KRR1: variants seen among roughly 807,000 people sequenced by gnomAD.
KRR1 encodes the protein KRR1 small subunit processome component homolog.
Under a neutral mutation model 50.0 loss-of-function variants are expected in KRR1, and 23 were observed. That is an observed-to-expected ratio of 0.46 (90% CI 0.33 to 0.65). The LOEUF is 0.65. Ranked by LOEUF, KRR1 falls within the 30% of genes least tolerant of loss-of-function variation. The probability of loss-of-function intolerance (pLI) is 0.02; values close to 1 mark genes in which losing one functional copy is unlikely to be tolerated. For missense variants in KRR1, 419 were observed against 442.4 expected (o/e 0.95, Z 0.47); for synonymous variants, 133 against 146.3 (o/e 0.91, Z 0.66).
Position 75,501,476 on chromosome 12 carries a change from G to A in KRR1, c.1003+247C>T, listed in dbSNP as rs531292777. The stretch of plus-strand genomic sequence containing the variant: ...CTGGGTTTGTATCTTTCACAACAAA[G>A]AGTCTTTTCCAAGCACAGACCAGAG... On this transcript the variant is annotated intron_variant, in intron 9 of 9. Transcript: ENST00000229214. 3 of 391,878 alleles carry A rather than the reference G, an allele frequency of 7.7e-6. No individual in the cohort carries two copies. In the East Asian group the frequency reaches 1.3e-4, roughly 17 times the overall value. The allele number at this position is 391,878 out of a possible 1,614,324, so 24.3% of individuals were successfully genotyped here. A position where few individuals can be genotyped will look rare whatever the true frequency, so the allele number is the denominator to read the frequency against.
intron 7 of KRR1, chr12:75,503,289 G>GA (rs1248192638): frequency 1.3e-5 from 2 of 152,196 alleles, no homozygotes; most frequent in African/African-American, 4.8e-5. Flanking sequence ...AATTTTGAAT[G>GA]AAATTAATCC....
At chr12:75,510,158 C>G (rs965114852) in intron 1 of KRR1, among the ~76,000 whole-genome samples, 2 of 152,114 alleles carry the variant, frequency 1.3e-5, no homozygotes, top group African/African-American at 4.8e-5. Flanking sequence ...TGTATTCATA[C>G]TAATGTAAGG....
chr12:75,496,101 T>A lies in KRR1; in HGVS notation c.*3708A>T, dbSNP rs1391787938. The A allele has an allele frequency of 6.6e-6, 1 of 151,310 alleles. No homozygotes were observed. The highest frequency in any genetic ancestry group is 2.4e-5 in the African/African-American group (1 of 41,076). The allele number at this position is 151,310 out of a possible 1,614,324, so 9.4% of individuals were successfully genotyped here. A position where few individuals can be genotyped will look rare whatever the true frequency, so the allele number is the denominator to read the frequency against. On this transcript the variant is annotated 3_prime_UTR_variant, in exon 10 of 10. Coordinates refer to ENST00000229214, the MANE Select transcript of KRR1 (RefSeq NM_007043.7). ...TCACTGCAACCTCCATCTCACGGGT[T>A]CAGGCGATCCTCCTGCCTCAGCCTC... is the stretch of plus-strand genomic sequence containing the variant.
Position 75,491,605 on chromosome 12 carries a change from A to T in KRR1, c.*8204T>A, listed in dbSNP as rs142755165. ...CCACCATTATATCAATTTGTATTTC[A>T]CCATCAGTACTAGGTATTATAATTT... is the stretch of plus-strand genomic sequence containing the variant. On this transcript the variant is annotated 3_prime_UTR_variant, in exon 10 of 10. Coordinates refer to ENST00000229214, the MANE Select transcript of KRR1 (RefSeq NM_007043.7). 1.8e-4 allele frequency: 28 copies of T among 152,240 alleles called. No homozygotes were observed. Among genetic ancestry groups the T allele is most frequent in the Admixed American group, 5.9e-4 (9 of 15,284 alleles). 9.4% of individuals were successfully genotyped at this position (152,240 alleles called of 1,614,324 possible).
At chr12:75,500,786 G>A (rs946285700) in intron 9 of KRR1, 2 of 152,042 alleles carry the variant, frequency 1.3e-5, no homozygotes, top group Non-Finnish European at 2.9e-5. Context: ...CCAGCAACCT[G>A]AGAAGCACAG....
At position 75,501,827 on chromosome 12, in the gene KRR1, A is replaced by G. The variant is rs1490414140; in HGVS notation, c.910-11T>C. ...TTCTGCTTGTTTAGCCTACATTAATAAATAAAAAATATATCAGTTAAATGT... is the reference window on the plus strand; with the variant it reads ...TTCTGCTTGTTTAGCCTACATTAATGAATAAAAAATATATCAGTTAAATGT... On this transcript the variant is annotated splice_polypyrimidine_tract_variant and intron_variant, in intron 8 of 9. Transcript: ENST00000229214. 6.3e-7 allele frequency: 1 copy of G among 1,581,684 alleles called. No homozygotes were observed. Among genetic ancestry groups the G allele is most frequent in the African/African-American group, 1.4e-5 (1 of 73,652 alleles).
At position 75,498,555 on chromosome 12, in the gene KRR1, A is replaced by ATAAT. The variant is rs1555240427; in HGVS notation, c.*1250_*1253dup. 4 of 643,628 alleles carry ATAAT rather than the reference A, an allele frequency of 6.2e-6. No homozygotes were observed. In the African/African-American group the frequency reaches 7.3e-5, roughly 12 times the overall value. The allele number at this position is 643,628 out of a possible 1,614,324, so 39.9% of individuals were successfully genotyped here. ...ATTCAGTCAGTTCAAAAAGTTTTGA[A>ATAAT]TAATTAAACTTGGAAAGTCACTGCA... On this transcript the variant is annotated 3_prime_UTR_variant, in exon 10 of 10. Coordinates refer to ENST00000229214, the MANE Select transcript of KRR1 (RefSeq NM_007043.7).
chr12:75,498,345 T>C lies in KRR1; in HGVS notation c.*1464A>G, dbSNP rs1167742126. On this transcript the variant is annotated 3_prime_UTR_variant, in exon 10 of 10. Transcript: ENST00000229214. ...AGTATCATTCTTCTCAGGAAGAAACTTATTTTTAGAACTATATTTTAATAA... is the reference window on the plus strand; with the variant it reads ...AGTATCATTCTTCTCAGGAAGAAACCTATTTTTAGAACTATATTTTAATAA... The C allele has an allele frequency of 2.8e-5, 5 of 175,648 alleles. No homozygotes were observed. The highest frequency in any genetic ancestry group is 6.0e-5 in the Non-Finnish European group (5 of 83,822). The allele number at this position is 175,648 out of a possible 1,614,324, so 10.9% of individuals were successfully genotyped here.
rs2046339424 is a variant in KRR1 at position 75,494,506 on chromosome 12, GAGA to G, written c.*5300_*5302del. The G allele has an allele frequency of 6.6e-6, 1 of 152,116 alleles. No individual in the cohort carries two copies. The highest frequency in any genetic ancestry group is 2.4e-5 in the African/African-American group (1 of 41,412). 9.4% of individuals were successfully genotyped at this position (152,116 alleles called of 1,614,324 possible). ...TAATAGCCCCCGGTAGATCTTAATA[GAGA>G]AGCACATATTACTTTATCACAAATC... On this transcript the variant is annotated 3_prime_UTR_variant, in exon 10 of 10. Coordinates refer to ENST00000229214, the MANE Select transcript of KRR1 (RefSeq NM_007043.7).
chr12:75,499,908 CT>C lies in KRR1; in HGVS notation c.1046del (p.Lys349ArgfsTer40). 3 of 1,608,914 alleles carry C rather than the reference CT, an allele frequency of 1.9e-6. No individual in the cohort carries two copies. The highest frequency in any genetic ancestry group is 2.2e-5 in the East Asian group (1 of 44,610). On this transcript the variant is annotated frameshift_variant, in exon 10 of 10. Coordinates refer to ENST00000229214, the MANE Select transcript of KRR1 (RefSeq NM_007043.7). LOFTEE classifies it high-confidence loss of function. ...TKIDVASIKEKVKKAKNKKLG... is the reference protein window; with the variant it reads ...TKIDVASIKEXVKKAKNKKLG... ...GTTTCTTATTCTTTGCTTTCTTAACCTTTTCCTTGATGCTGGCCACATCAAT... is the reference window on the plus strand; with the variant it reads ...GTTTCTTATTCTTTGCTTTCTTAACCTTTCCTTGATGCTGGCCACATCAAT...
In KRR1 at chr12:75,496,987, G is replaced by GT. The variant is rs2046355679; in HGVS notation, c.*2821dup. 6.6e-6 allele frequency: 1 copy of GT among 152,100 alleles called. No homozygotes were observed. Among genetic ancestry groups the GT allele is most frequent in the Non-Finnish European group, 1.5e-5 (1 of 68,040 alleles). The allele number at this position is 152,100 out of a possible 1,614,324, so 9.4% of individuals were successfully genotyped here. On this transcript the variant is annotated 3_prime_UTR_variant, in exon 10 of 10. Transcript: ENST00000229214. ...TAGCCACAATGCAGATAATATCAAG[G>GT]TATCAATGTATTCACTGAATTCTTC...
chr12:75,509,505 G>C (rs1182582264), intron 1 of KRR1, among the ~76,000 whole-genome samples: 1 of 151,604 alleles, frequency 6.6e-6, no homozygotes, highest in Non-Finnish European at 1.5e-5. Context: ...CAATTGGCTA[G>C]TCTTCATATA....
chr12:75,506,078 G>T (rs2046420220), intron 5 of KRR1: 1 of 365,212 alleles, frequency 2.7e-6, no homozygotes, highest in Middle Eastern at 8.0e-4. Flanking sequence ...GAGTAATAGT[G>T]TGCAGACCAT....
Position 75,496,761 on chromosome 12 carries a change from C to T in KRR1, c.*3048G>A, listed in dbSNP as rs2046354175. ...TAGTTTGGAAAAAAGTGTTCCATTGCTCATGTTTTATAAGGTCCCTTGCAG... is the reference window on the plus strand; with the variant it reads ...TAGTTTGGAAAAAAGTGTTCCATTGTTCATGTTTTATAAGGTCCCTTGCAG... On this transcript the variant is annotated 3_prime_UTR_variant, in exon 10 of 10. Coordinates refer to ENST00000229214, the MANE Select transcript of KRR1 (RefSeq NM_007043.7). 1 of 152,160 alleles carries T rather than the reference C, an allele frequency of 6.6e-6. No homozygotes were observed. The highest frequency in any genetic ancestry group is 1.5e-5 in the Non-Finnish European group (1 of 68,030). The allele number at this position is 152,160 out of a possible 1,614,324, so 9.4% of individuals were successfully genotyped here.
chr12:75,503,283 T>G (rs540659790), intron 7 of KRR1: 1 of 152,162 alleles, frequency 6.6e-6, no homozygotes, highest in Non-Finnish European at 1.5e-5. Flanking sequence ...AACATGAATT[T>G]TGAATGAAAT....
Position 75,494,768 on chromosome 12 carries a change from A to T in KRR1, c.*5041T>A, listed in dbSNP as rs1251089936. Reference sequence around the variant, plus strand: ...AAATGTGCCCCCTCTCCCCATTACTACTATGAGGATATTTATGGGGATATA... The same window carrying T: ...AAATGTGCCCCCTCTCCCCATTACTTCTATGAGGATATTTATGGGGATATA... On this transcript the variant is annotated 3_prime_UTR_variant, in exon 10 of 10. Coordinates refer to ENST00000229214, the MANE Select transcript of KRR1 (RefSeq NM_007043.7). 6.6e-6 allele frequency: 1 copy of T among 152,196 alleles called. No individual in the cohort carries two copies. Among genetic ancestry groups the T allele is most frequent in the Non-Finnish European group, 1.5e-5 (1 of 68,038 alleles). The allele number at this position is 152,196 out of a possible 1,614,324, so 9.4% of individuals were successfully genotyped here. A position where few individuals can be genotyped will look rare whatever the true frequency, so the allele number is the denominator to read the frequency against.
chr12:75,504,022 C>A lies in KRR1; in HGVS notation c.713G>T (p.Ser238Ile). 1.9e-6 allele frequency: 3 copies of A among 1,612,428 alleles called. No homozygotes were observed. The highest frequency in any genetic ancestry group is 2.5e-6 in the Non-Finnish European group (3 of 1,178,930). ...GAACTGTGGCAAAAATCTCTCCCAA[C>A]TTTGTGATCGTAATTCAGAATCTTT... ...LAKDSELRSQ[S>I]WERFLPQFKH... is the part of the protein sequence containing the mutation. Residue 238 changes from serine to isoleucine, a missense_variant, in exon 7 of 10, where the codon AGT becomes ATT. By Grantham distance (142) the Ser-to-Ile change is moderately radical. Transcript: ENST00000229214.
intron 1 of KRR1, among the ~76,000 whole-genome samples, chr12:75,509,529 T>C (rs918843254): frequency 3.9e-5 from 6 of 152,072 alleles, no homozygotes; most frequent in African/African-American, 4.8e-5. Context: ...GATTCTCCAA[T>C]GTCCTTTAAA....
rs1373683272 is a variant in KRR1, at chr12:75,492,324, C to G, written c.*7485G>C. ...CTCCAACTCCTGGGCTAAAGTGATC[C>G]ACCTGCCTCAGCCTCCCAGAGTGCT... On this transcript the variant is annotated 3_prime_UTR_variant, in exon 10 of 10. Transcript: ENST00000229214. 6.6e-6 allele frequency: 1 copy of G among 152,242 alleles called. No homozygotes were observed. The highest frequency in any genetic ancestry group is 1.9e-4 in the East Asian group (1 of 5,200). 9.4% of individuals were successfully genotyped at this position (152,242 alleles called of 1,614,324 possible). A position where few individuals can be genotyped will look rare whatever the true frequency, so the allele number is the denominator to read the frequency against.
Sources: gnomAD v4.1 joint callset for allele counts (sites outside exome capture counted in the v4.1 genomes callset) on GRCh38, gnomAD v4.1.1 for gene constraint, MANE v1.5 for transcripts, NCBI Gene and HGNC (gene_info 2026-07-23, HGNC 2026-07-21) for gene names.